Variants in MEG3 observed in about 807,000 individuals in gnomAD.
MEG3 encodes maternally expressed 3.
Position 100,845,381 on chromosome 14 carries a change from T to G in MEG3, n.3046-77T>G. ...CACCCCTGCCCGCCCCCCAGAGCTG[T>G]TGTCCTCATCCGCCCTCCTCCTCCT... is the stretch of plus-strand genomic sequence containing the variant. On this transcript the variant is annotated intron_variant and non_coding_transcript_variant, in intron 2 of 3. Transcript: ENST00000398461. This position sits in a 1 kb window ranked among gnomAD's most constrained non-coding sequence, Gnocchi z 5.2. 2.5e-6 allele frequency: 1 copy of G among 405,426 alleles called. No individual in the cohort carries two copies. The highest frequency in any genetic ancestry group is 1.7e-5 in the South Asian group (1 of 57,392). 25.1% of individuals were successfully genotyped at this position (405,426 alleles called of 1,614,324 possible).
chr14:100,857,696 G>A (rs2281511), exon 1 of MEG3: 34,870 of 152,070 alleles, frequency 0.23, 4,339 homozygotes, highest in Non-Finnish European at 0.28. Context: ...TCTCCCCAGC[G>A]GGTTGTAGCT....
At chr14:100,855,581 T>G (rs925831715), upstream of MEG3, 1 of 152,300 alleles carries the variant, frequency 6.6e-6, no homozygotes, top group Admixed American at 6.5e-5. Context: ...CCATGAGCTT[T>G]GCTTTCAGCC....
At chr14:100,859,537 G>T (rs1465610625) in exon 1 of MEG3, 1 of 152,216 alleles carries the variant, frequency 6.6e-6, no homozygotes, top group African/African-American at 2.4e-5. Context: ...AGAAGCCCCT[G>T]CCTTGGGAGG....
Position 100,845,135 on chromosome 14 carries a change from C to A in MEG3, n.3046-323C>A, listed in dbSNP as rs1156360983. 6.6e-6 allele frequency among the ~76,000 whole-genome samples: 1 copy of A among 152,188 alleles called. No individual in the cohort carries two copies. Among genetic ancestry groups the A allele is most frequent in the Non-Finnish European group, 1.5e-5 (1 of 68,032 alleles). ...ACAGGTTCATGCCCTGTCTTCAGGG[C>A]CTGGGCCACCCCCGTTTCTCATCTA... On this transcript the variant is annotated intron_variant and non_coding_transcript_variant, in intron 2 of 3. Coordinates refer to the MEG3 transcript ENST00000398461. This position sits in a 1 kb window ranked among gnomAD's most constrained non-coding sequence, Gnocchi z 5.2.
At chr14:100,857,430 G>C (rs1294102226) in exon 1 of MEG3, 1 of 152,172 alleles carries the variant, frequency 6.6e-6, no homozygotes, top group Non-Finnish European at 1.5e-5. Context: ...GCTTTCCCTG[G>C]GAATGGGCAT....
At chr14:100,855,253 CCCCGTG>C (rs1486934147), upstream of MEG3, 1 of 152,596 alleles carries the variant, frequency 6.6e-6, no homozygotes, top group Non-Finnish European at 1.5e-5. Context: ...CTTATCTTGA[CCCCGTG>C]CTTTTGGCCT....
chr14:100,838,636 T>C (rs1595274206), intron 2 of MEG3, among the ~76,000 whole-genome samples: 1 of 152,076 alleles, frequency 6.6e-6, no homozygotes, highest in African/African-American at 2.4e-5. Flanking sequence ...CGGAGGGCGG[T>C]GAGGGGTCTC....
exon 1 of MEG3, chr14:100,835,020 T>A: frequency 5.6e-6 from 2 of 356,196 alleles, no homozygotes; most frequent in Middle Eastern, 1.0e-3. Context: ...CATCCCTTGA[T>A]GGCCTCTGTG....
At chr14:100,852,473 C>G, upstream of MEG3, 1 of 526,252 alleles carries the variant, frequency 1.9e-6, no homozygotes, top group South Asian at 1.4e-5. Flanking sequence ...GCTGGGGCCT[C>G]AGGGGTCTGC....
At chr14:100,839,172 G>C (rs190168143) in intron 2 of MEG3, among the ~76,000 whole-genome samples, 5 of 152,304 alleles carry the variant, frequency 3.3e-5, no homozygotes, top group African/African-American at 7.2e-5. Flanking sequence ...CCTACAGAAG[G>C]GGGTGTGGAG....
In MEG3 at chr14:100,840,883, G is replaced by A. The variant is rs149479824; in HGVS notation, n.3046-4575G>A. Among the ~76,000 whole-genome samples the A allele has an allele frequency of 2.3e-3, 350 of 152,340 alleles. 1 individual carries two copies. Among genetic ancestry groups the A allele is most frequent in the Non-Finnish European group, 4.0e-3 (273 of 68,030 alleles). ...GGCCAAAGGCTGACCGCATGTCTGC[G>A]CCGGCCTCCGCGCTCACAGCTGGGC... On this transcript the variant is annotated intron_variant and non_coding_transcript_variant, in intron 2 of 3. Transcript: ENST00000398461.
At chr14:100,838,005 G>C (rs1451279725) in intron 2 of MEG3, among the ~76,000 whole-genome samples, 1 of 152,104 alleles carries the variant, frequency 6.6e-6, no homozygotes, top group Non-Finnish European at 1.5e-5. Context: ...AGCATTTGCT[G>C]AGCCACCTGC....
intron 2 of MEG3, among the ~76,000 whole-genome samples, chr14:100,841,092 AC>A (rs2037744026): frequency 6.6e-6 from 1 of 152,048 alleles, no homozygotes; most frequent in Non-Finnish European, 1.5e-5. Context: ...GAGAGAGGGG[AC>A]GCTTCAGGTT....
At chr14:100,834,862 G>C in exon 1 of MEG3, 1 of 455,016 alleles carries the variant, frequency 2.2e-6, no homozygotes, top group Non-Finnish European at 4.4e-6. Flanking sequence ...AGGTGTGTGA[G>C]CAGCTTCCGA....
chr14:100,834,565 C>T, exon 1 of MEG3: 3 of 395,820 alleles, frequency 7.6e-6, no homozygotes, highest in South Asian at 1.9e-5. Context: ...CCTGCTTTTT[C>T]TGCTTCTGTT....
At chr14:100,844,006 G>A (rs2037839182) in intron 2 of MEG3, among the ~76,000 whole-genome samples, 1 of 151,900 alleles carries the variant, frequency 6.6e-6, no homozygotes, top group Non-Finnish European at 1.5e-5. Flanking sequence ...CGCTGAGCTA[G>A]TTTTTAGTAG....
At chr14:100,827,377 G>T (rs2037269788) in intron 1 of MEG3, 1 of 152,198 alleles carries the variant, frequency 6.6e-6, no homozygotes, top group South Asian at 2.1e-4. Flanking sequence ...TCCTGATGGA[G>T]GGGGTCGGGC....
At chr14:100,836,969 G>A (rs966844524) in intron 2 of MEG3, among the ~76,000 whole-genome samples, 7 of 152,162 alleles carry the variant, frequency 4.6e-5, no homozygotes, top group African/African-American at 9.7e-5. Context: ...CAATTCACTC[G>A]AGGACCCATC....
intron 2 of MEG3, among the ~76,000 whole-genome samples, chr14:100,840,276 G>C (rs1472967828): frequency 6.6e-6 from 1 of 152,210 alleles, no homozygotes; most frequent in Non-Finnish European, 1.5e-5. Context: ...CCTTCGGCTT[G>C]CCTCGACTCT....
Sources: gnomAD v4.1 joint callset for allele counts (sites outside exome capture counted in the v4.1 genomes callset) on GRCh38, gnomAD v4.1.1 for gene constraint, Gnocchi (gnomAD v3.1) non-coding constraint, MANE v1.5 for transcripts, NCBI Gene and HGNC (gene_info 2026-07-23, HGNC 2026-07-21) for gene names.